HIBCH: variants seen among roughly 807,000 people sequenced by gnomAD.
HIBCH encodes 3-hydroxyisobutyryl-CoA hydrolase, also known as 3-hydroxyisobutyryl-CoA hydrolase, mitochondrial.
In HIBCH, 50 loss-of-function variants were observed where a neutral mutation model predicts 58.2. The observed-to-expected ratio is 0.86, with a 90% CI of 0.68 to 1.09. The LOEUF is 1.09. HIBCH is among the 50% of genes least tolerant of loss of function. The pLI is 0.00. For missense variants in HIBCH, 450 were observed against 449.7 expected, an observed-to-expected ratio of 1.00 and a Z score of -0.01; for synonymous variants, 151 against 146.9, an observed-to-expected ratio of 1.03 and a Z score of -0.20.
At chr2:190,252,038 G>A in intron 8 of HIBCH, 124 bp downstream of exon 8, 1 of 848,318 alleles carries the variant, frequency 1.2e-6, no homozygotes, top group East Asian at 2.5e-5. Context: ...TAAACTAATA[G>A]GTCCAGGATT....
At chr2:190,259,281 A>AT (rs910377292) in intron 7 of HIBCH, among the ~76,000 whole-genome samples, 14 of 140,574 alleles carry the variant, frequency 1.0e-4, no homozygotes, top group Admixed American at 2.8e-4. Flanking sequence ...GTCTTCTTCA[A>AT]TTTTTTTCAT....
intron 6 of HIBCH, among the ~76,000 whole-genome samples, chr2:190,272,496 A>G (rs1687426339): frequency 6.6e-6 from 1 of 152,220 alleles, no homozygotes. Context: ...TAGACCAAAA[A>G]TCATCCAAAC....
At chr2:190,253,736 C>T (rs1686845402) in intron 7 of HIBCH, among the ~76,000 whole-genome samples, 1 of 152,126 alleles carries the variant, frequency 6.6e-6, no homozygotes, top group Non-Finnish European at 1.5e-5. Context: ...AAACAAACAC[C>T]TTTATCAAAG....
Position 190,217,629 on chromosome 2 carries a change from G to A in HIBCH, c.892-4554C>T, listed in dbSNP as rs1374888473. ...TATCCTCTACCCTGTCATCCCTTAG[G>A]TTAAAAAAACTTCTAACTCGAACCC... On this transcript the variant is annotated intron_variant, in intron 11 of 13. Transcript: ENST00000359678. This position sits in a 1 kb window ranked among gnomAD's most constrained non-coding sequence, Gnocchi z 4.6. Among the ~76,000 whole-genome samples the A allele has an allele frequency of 6.6e-6, 1 of 152,052 alleles. No homozygotes were observed. The highest frequency in any genetic ancestry group is 1.5e-5 in the Non-Finnish European group (1 of 68,022).
At chr2:190,257,647 C>T (rs1183219471) in intron 7 of HIBCH, among the ~76,000 whole-genome samples, 4 of 152,044 alleles carry the variant, frequency 2.6e-5, no homozygotes, top group African/African-American at 9.7e-5. Context: ...ATACCACAGA[C>T]CGGGGTAATT....
intron 7 of HIBCH, among the ~76,000 whole-genome samples, chr2:190,260,672 A>C (rs1219199672): frequency 1.3e-5 from 2 of 152,226 alleles, no homozygotes. Flanking sequence ...TGACATCTAT[A>C]GACAACTATA....
At chr2:190,226,595 CAAAAAAAA>C (rs752856547) in intron 11 of HIBCH, among the ~76,000 whole-genome samples, 26 of 29,396 alleles carry the variant, frequency 8.8e-4, no homozygotes, top group Admixed American at 6.9e-3. Flanking sequence ...AACTCCGTCT[CAAAAAAAA>C]AAAAAAAAAA....
chr2:190,230,674 G>A (rs866069188), intron 11 of HIBCH, among the ~76,000 whole-genome samples: 3 of 152,310 alleles, frequency 2.0e-5, no homozygotes, highest in Admixed American at 1.3e-4. Flanking sequence ...CAGCCTGGGC[G>A]AGAGAGCAAG....
At chr2:190,265,577 A>T (rs1687210895) in intron 6 of HIBCH, among the ~76,000 whole-genome samples, 1 of 151,876 alleles carries the variant, frequency 6.6e-6, no homozygotes, top group South Asian at 2.1e-4. Flanking sequence ...TCACTGTTTC[A>T]AGGATGTCTT....
At chr2:190,268,788 C>T (rs958214158) in intron 6 of HIBCH, among the ~76,000 whole-genome samples, 8 of 152,166 alleles carry the variant, frequency 5.3e-5, no homozygotes, top group African/African-American at 1.9e-4. Context: ...CCATAGGCAG[C>T]ATGCCCAGAG....
intron 6 of HIBCH, among the ~76,000 whole-genome samples, chr2:190,282,571 C>T (rs1332475516): frequency 6.6e-6 from 1 of 152,180 alleles, no homozygotes; most frequent in Admixed American, 6.5e-5. Flanking sequence ...AAGGCACCAC[C>T]TCCCAACACC....
chr2:190,316,295 TG>T (rs1450963869), intron 1 of HIBCH, among the ~76,000 whole-genome samples: 3 of 152,116 alleles, frequency 2.0e-5, no homozygotes, highest in South Asian at 4.2e-4. Context: ...CACACCTGGC[TG>T]ATTTTTAAAT....
chr2:190,242,151 G>A (rs547427383), intron 11 of HIBCH, among the ~76,000 whole-genome samples: 1 of 152,000 alleles, frequency 6.6e-6, no homozygotes, highest in South Asian at 2.1e-4. Context: ...TGGAGGCTTT[G>A]TTCATTCTTT....
chr2:190,284,056 A>G (rs1311406733), intron 6 of HIBCH, among the ~76,000 whole-genome samples: 1 of 152,262 alleles, frequency 6.6e-6, no homozygotes, highest in Non-Finnish European at 1.5e-5. Flanking sequence ...ATTTTAGGGC[A>G]CTAAGACTTA....
intron 5 of HIBCH, among the ~76,000 whole-genome samples, chr2:190,288,231 C>G (rs1687880182): frequency 6.7e-6 from 1 of 148,690 alleles, no homozygotes. Flanking sequence ...TCAAAGATGT[C>G]AATTCCCTCC....
At chr2:190,213,427 C>T (rs972822520) in intron 11 of HIBCH, 10 of 268,504 alleles carry the variant, frequency 3.7e-5, no homozygotes, top group East Asian at 9.5e-5. Flanking sequence ...TAGAAAATAA[C>T]GCATACAGTG....
chr2:190,294,256 AT>A (rs1688047284), intron 4 of HIBCH, among the ~76,000 whole-genome samples: 1 of 151,830 alleles, frequency 6.6e-6, no homozygotes, highest in South Asian at 2.1e-4. Flanking sequence ...AAGTGGACCC[AT>A]ATACCCTAAC....
At position 190,209,365 on chromosome 2, in the gene HIBCH, C is replaced by A. The variant is rs1191946008; in HGVS notation, c.1012-452G>T. Among the ~76,000 whole-genome samples the A allele has an allele frequency of 6.6e-6, 1 of 152,158 alleles. No individual in the cohort carries two copies. The highest frequency in any genetic ancestry group is 1.5e-5 in the Non-Finnish European group (1 of 68,042). On this transcript the variant is annotated intron_variant, in intron 12 of 13. Coordinates refer to ENST00000359678, the MANE Select transcript of HIBCH (RefSeq NM_014362.4). The surrounding 1 kb of genome is among the most constrained non-coding windows in gnomAD (Gnocchi z 5.6). ...CTAAGTCTTGCTGCAGAAAATCATA[C>A]AACTGTGACTGGTTTCATTTAAAAT...
intron 6 of HIBCH, among the ~76,000 whole-genome samples, chr2:190,283,406 C>A (rs1201879668): frequency 6.6e-6 from 1 of 152,164 alleles, no homozygotes; most frequent in Non-Finnish European, 1.5e-5. Flanking sequence ...CACAGCAGCA[C>A]GGGCCATGTG....
Sources: allele counts gnomAD v4.1 joint callset (sites outside exome capture counted in the v4.1 genomes callset), GRCh38; gene constraint gnomAD v4.1.1; non-coding constraint Gnocchi (gnomAD v3.1); transcripts MANE v1.5; gene names NCBI Gene and HGNC (gene_info 2026-07-23, HGNC 2026-07-21).